The following RAB38 variants were observed in gnomAD, a reference collection of about 807,000 sequenced individuals.
RAB38 encodes the protein ras-related protein Rab-38.
RAB38 carries 15 observed loss-of-function variants against 18.4 expected under a neutral mutation model. The ratio of observed to expected loss-of-function variants is 0.82; its 90% CI spans 0.55 to 1.26. RAB38 has a LOEUF of 1.26. Among genes scored for constraint, RAB38 ranks in the 50% most tolerant of loss-of-function variants. The pLI is 0.00. For synonymous variants in RAB38, 101 were observed against 104.4 expected (o/e 0.97, Z 0.20); for missense variants, 294 against 267.4 (o/e 1.10, Z -0.69).
At chr11:87,895,192 G>C in the RAB38 span, among the ~76,000 whole-genome samples, 1 of 150,270 alleles carries the variant, frequency 6.7e-6, no homozygotes, top group South Asian at 2.1e-4. Context: ...TGGCTGATGA[G>C]GGTGTTTGCT....
At chr11:87,868,613 GAGAGAGAGAGAAT>G in the RAB38 span, among the ~76,000 whole-genome samples, 1 of 146,278 alleles carries the variant, frequency 6.8e-6, no homozygotes, top group Non-Finnish European at 1.5e-5. Context: ...GAGAGAGAGA[GAGAGAGAGAGAAT>G]GAGAATAAAC....
the RAB38 span, among the ~76,000 whole-genome samples, chr11:87,829,136 G>T: frequency 3.3e-3 from 498 of 152,308 alleles, 4 homozygotes; most frequent in Non-Finnish European, 5.8e-3. Flanking sequence ...CTCCTGCAAA[G>T]GAGTTGGTAT....
the RAB38 span, chr11:87,880,129 A>C: frequency 4.0e-5 from 6 of 151,746 alleles, no homozygotes; most frequent in East Asian, 1.2e-3. Context: ...TATTTTCTAT[A>C]CTTGTTGACT....
At chr11:88,035,044 C>A in the RAB38 span, among the ~76,000 whole-genome samples, 21 of 152,172 alleles carry the variant, frequency 1.4e-4, 1 homozygote, top group Non-Finnish European at 2.4e-4. Context: ...GTGGACCTCA[C>A]TAGGTTTTAA....
the RAB38 span, among the ~76,000 whole-genome samples, chr11:87,906,313 A>T: frequency 4.6e-5 from 7 of 151,924 alleles, no homozygotes; most frequent in African/African-American, 1.7e-4. Context: ...AAGAACCCAA[A>T]CTTATAACCA....
the RAB38 span, among the ~76,000 whole-genome samples, chr11:87,925,333 T>C: frequency 3.3e-5 from 5 of 152,094 alleles, no homozygotes. Context: ...ACTTAAGGAA[T>C]TTATTTTTCT....
the RAB38 span, among the ~76,000 whole-genome samples, chr11:87,873,726 G>T: frequency 3.0e-4 from 45 of 151,250 alleles, no homozygotes; most frequent in African/African-American, 1.0e-3. Context: ...TTTTTCCATT[G>T]AATTGTTTTT....
chr11:88,063,050 T>C, the RAB38 span, among the ~76,000 whole-genome samples: 5 of 152,172 alleles, frequency 3.3e-5, no homozygotes, highest in African/African-American at 9.7e-5. Context: ...TTCAATCGAA[T>C]AAACTGTCTC....
the RAB38 span, among the ~76,000 whole-genome samples, chr11:87,861,414 A>T: frequency 6.6e-6 from 1 of 151,974 alleles, no homozygotes; most frequent in African/African-American, 2.4e-5. Context: ...AAGACTTATA[A>T]TCAGGGATGA....
At chr11:87,900,753 G>A in the RAB38 span, among the ~76,000 whole-genome samples, 1 of 150,446 alleles carries the variant, frequency 6.6e-6, no homozygotes, top group Admixed American at 6.6e-5. Flanking sequence ...AGGGAAGAAG[G>A]AAGATGGAGG....
the RAB38 span, among the ~76,000 whole-genome samples, chr11:87,841,623 TTGTC>T: frequency 2.0e-5 from 3 of 152,198 alleles, no homozygotes; most frequent in African/African-American, 4.8e-5. Context: ...GTTTGGATGT[TTGTC>T]TGAAGACCAG....
At chr11:88,140,217 C>T (rs555299239) in intron 2 of RAB38, among the ~76,000 whole-genome samples, 2 of 152,290 alleles carry the variant, frequency 1.3e-5, no homozygotes, top group Admixed American at 1.3e-4. Context: ...TCTCCATCCA[C>T]ACTGCAGGGC....
At chr11:88,037,668 T>C in the RAB38 span, among the ~76,000 whole-genome samples, 4 of 152,162 alleles carry the variant, frequency 2.6e-5, no homozygotes, top group Admixed American at 6.6e-5. Context: ...TAGAATATCA[T>C]ATAAATAAAA....
intron 1 of RAB38, among the ~76,000 whole-genome samples, chr11:88,174,883 G>C (rs1033062414): frequency 2.6e-5 from 4 of 152,232 alleles, no homozygotes; most frequent in Admixed American, 6.5e-5. Flanking sequence ...AGCTGGAGTG[G>C]AGAACAGAAT....
intron 1 of RAB38, among the ~76,000 whole-genome samples, chr11:88,155,680 G>C (rs1318375000): frequency 6.6e-6 from 1 of 152,096 alleles, no homozygotes; most frequent in Non-Finnish European, 1.5e-5. Context: ...TCCAGCAAAG[G>C]TCCCTAATGA....
chr11:87,909,261 A>G, the RAB38 span, among the ~76,000 whole-genome samples: 1 of 152,058 alleles, frequency 6.6e-6, no homozygotes, highest in Non-Finnish European at 1.5e-5. Flanking sequence ...CAATGTAAGT[A>G]CAATATCTCT....
At chr11:87,843,793 T>C in the RAB38 span, among the ~76,000 whole-genome samples, 1 of 152,150 alleles carries the variant, frequency 6.6e-6, no homozygotes, top group Non-Finnish European at 1.5e-5. Flanking sequence ...TAAGCAAGGG[T>C]TCTAAGTCAA....
chr11:87,939,701 G>A, the RAB38 span, among the ~76,000 whole-genome samples: 1 of 151,728 alleles, frequency 6.6e-6, no homozygotes, highest in African/African-American at 2.4e-5. Flanking sequence ...GTACCAACAA[G>A]AGAAAGAAAA....
the RAB38 span, among the ~76,000 whole-genome samples, chr11:87,955,898 CACACA>C: frequency 7.0e-6 from 1 of 142,026 alleles, no homozygotes; most frequent in Non-Finnish European, 1.6e-5. Flanking sequence ...CACACACACA[CACACA>C]CAAGTAGGAC....
Sources: gnomAD v4.1 joint callset for allele counts (sites outside exome capture counted in the v4.1 genomes callset) on GRCh38, gnomAD v4.1.1 for gene constraint, MANE v1.5 for transcripts, NCBI Gene and HGNC (gene_info 2026-07-23, HGNC 2026-07-21) for gene names.